The following SLC44A2 variants were observed in gnomAD, a reference collection of about 807,000 sequenced individuals.
The protein encoded by SLC44A2 is solute carrier family 44 member 2 (CTL2 blood group), also known as choline transporter-like protein 2.
A neutral mutation model predicts 90.8 loss-of-function variants in SLC44A2; 57 were observed. The observed-to-expected ratio is 0.63, with a 90% confidence interval of 0.51 to 0.78. The LOEUF is 0.78. Among genes scored for constraint, SLC44A2 ranks in the 30% least tolerant of loss-of-function variants. The pLI is 0.00. For missense variants in SLC44A2, 794 were observed against 919.7 expected, an observed-to-expected ratio of 0.86 and a Z score of 1.77; for synonymous variants, 355 against 360.7, an observed-to-expected ratio of 0.98 and a Z score of 0.18.
In SLC44A2 at chr19:10,637,723, C is replaced by G. The variant is rs1568454790; in HGVS notation, c.1671C>G (p.Phe557Leu). 3 of 1,614,022 alleles carry G rather than the reference C, an allele frequency of 1.9e-6. No individual in the cohort carries two copies. Among genetic ancestry groups the G allele is most frequent in the Non-Finnish European group, 1.7e-6 (2 of 1,180,040 alleles). ...CFWCLEKFIK[F>L]LNRNAYIMIA... Reference sequence around the variant, plus strand: ...GGTGCCTGGAGAAGTTCATCAAATTCCTTAATAGGAATGCCTACATCATGG... The same window carrying G: ...GGTGCCTGGAGAAGTTCATCAAATTGCTTAATAGGAATGCCTACATCATGG... Residue 557 changes from phenylalanine (F) to leucine (L), a missense_variant, in exon 17 of 22, where the codon TTC becomes TTG. By Grantham distance (22) the Phe-to-Leu change is conservative (BLOSUM62 0). Coordinates refer to ENST00000335757, the MANE Select transcript of SLC44A2 (RefSeq NM_020428.4).
chr19:10,635,794 T>G, intron 14 of SLC44A2: 1 of 318,958 alleles, frequency 3.1e-6, no homozygotes, highest in Non-Finnish European at 5.8e-6. Flanking sequence ...TTTTTTTTTT[T>G]AATAAGACAG....
At chr19:10,612,267 G>A (rs1028838119) in intron 1 of SLC44A2, among the ~76,000 whole-genome samples, 2 of 152,090 alleles carry the variant, frequency 1.3e-5, no homozygotes, top group African/African-American at 2.4e-5. Flanking sequence ...ATCCACTAGG[G>A]AGTCTGAGGC....
chr19:10,604,906 C>T (rs1022101404), intron 1 of SLC44A2, among the ~76,000 whole-genome samples: 4 of 152,082 alleles, frequency 2.6e-5, no homozygotes, highest in African/African-American at 9.7e-5. Flanking sequence ...GCAGCAGTTC[C>T]AAGGGAAATG....
intron 1 of SLC44A2, among the ~76,000 whole-genome samples, chr19:10,612,097 G>C (rs948537050): frequency 6.6e-6 from 1 of 152,106 alleles, no homozygotes; most frequent in Non-Finnish European, 1.5e-5. Flanking sequence ...GCCGGGTGTG[G>C]TGGCTCACTC....
At chr19:10,611,755 G>A (rs1918309474) in intron 1 of SLC44A2, among the ~76,000 whole-genome samples, 1 of 151,950 alleles carries the variant, frequency 6.6e-6, no homozygotes, top group African/African-American at 2.4e-5. Flanking sequence ...CTAGGAGGCA[G>A]AGGTTGCAGT....
Position 10,636,771 on chromosome 19 carries a change from C to G in SLC44A2, c.1591+15C>G. ...GCGGCTGAAAGGTACGTCCCACCCA[C>G]GGTTCGCATTAGCTCCTGTTGCGGG... On this transcript the variant is annotated intron_variant, in intron 16 of 21. Transcript: ENST00000335757. 6.2e-7 allele frequency: 1 copy of G among 1,610,218 alleles called. No homozygotes were observed. The highest frequency in any genetic ancestry group is 1.7e-4 in the Middle Eastern group (1 of 6,056).
At chr19:10,619,288 G>A (rs768404429) in intron 1 of SLC44A2, among the ~76,000 whole-genome samples, 8 of 151,534 alleles carry the variant, frequency 5.3e-5, no homozygotes, top group East Asian at 1.9e-4. Context: ...AAAATTAGCC[G>A]GGCGTGGTGT....
rs547483137 is a variant in SLC44A2 at position 10,631,370 on chromosome 19, C to T, written c.426C>T (p.Gly142=). The T allele has an allele frequency of 1.4e-4, 228 of 1,614,118 alleles. 6 individuals carry two copies. The South Asian group carries it at 2.4e-3, about 17-fold the overall frequency. The change falls in exon 6 of 22, where the codon GGC becomes GGT. Residue 142 remains glycine, a synonymous_variant. Transcript: ENST00000335757. ...ACTATAAGCAGTTCTGTGTTCCTGG[C>T]TTCAAGAACAATAAAGTGAGTTGTA... ...FEYYKQFCVP[G]FKNNKGVAEV...
intron 1 of SLC44A2, among the ~76,000 whole-genome samples, chr19:10,612,139 G>T (rs531800072): frequency 1.6e-4 from 25 of 152,212 alleles, no homozygotes; most frequent in Non-Finnish European, 2.9e-5. Flanking sequence ...ATGCCAGGGC[G>T]GAAGGATCAC....
chr19:10,617,079 G>A (rs1483633405), intron 1 of SLC44A2, among the ~76,000 whole-genome samples: 1 of 151,830 alleles, frequency 6.6e-6, no homozygotes, highest in East Asian at 1.9e-4. Flanking sequence ...TCGCCACCAC[G>A]CCCGGCTAAT....
chr19:10,617,120 T>C (rs1028319789), intron 1 of SLC44A2, among the ~76,000 whole-genome samples: 3 of 151,572 alleles, frequency 2.0e-5, no homozygotes, highest in African/African-American at 2.4e-5. Context: ...CGGGGTTTCA[T>C]CGTGTTAGCC....
intron 1 of SLC44A2, among the ~76,000 whole-genome samples, chr19:10,606,087 C>G (rs1359614396): frequency 6.6e-6 from 1 of 151,976 alleles, no homozygotes; most frequent in Non-Finnish European, 1.5e-5. Context: ...CGCTTGAGCC[C>G]ATGAGTTTGA....
intron 1 of SLC44A2, among the ~76,000 whole-genome samples, chr19:10,614,698 C>T (rs945716548): frequency 1.3e-5 from 2 of 152,006 alleles, no homozygotes; most frequent in Non-Finnish European, 2.9e-5. Flanking sequence ...TGGCTGGGCG[C>T]GGTGGCTCAC....
chr19:10,641,777 C>T (rs1441841772), intron 20 of SLC44A2, among the ~76,000 whole-genome samples: 1 of 150,590 alleles, frequency 6.6e-6, no homozygotes, highest in Non-Finnish European at 1.5e-5. Context: ...GCCCAGGAGG[C>T]AGAGGTTGCA....
At chr19:10,608,944 C>T (rs1599568079) in intron 1 of SLC44A2, among the ~76,000 whole-genome samples, 1 of 150,574 alleles carries the variant, frequency 6.6e-6, no homozygotes, top group East Asian at 1.9e-4. Context: ...AGCCACTGCA[C>T]CCAGCCTACC....
At chr19:10,627,173 T>G (rs2066942547) in intron 2 of SLC44A2, among the ~76,000 whole-genome samples, 1 of 151,296 alleles carries the variant, frequency 6.6e-6, no homozygotes, top group African/African-American at 2.4e-5. Flanking sequence ...ATACAAGAAT[T>G]AGCTGGGCAT....
intron 2 of SLC44A2, 130 bp from the exon 3 acceptor site, chr19:10,627,592 G>A (rs2066947223): frequency 1.2e-6 from 1 of 808,678 alleles, no homozygotes; most frequent in African/African-American, 1.7e-5. Flanking sequence ...GTGCCCTTTG[G>A]TACGGCATTC....
chr19:10,617,422 A>C (rs1356441635), intron 1 of SLC44A2, among the ~76,000 whole-genome samples: 1 of 152,140 alleles, frequency 6.6e-6, no homozygotes, highest in Non-Finnish European at 1.5e-5. Flanking sequence ...AGAGCCCACA[A>C]AGCCAGGCCT....
rs1314096757 is a variant in SLC44A2 at position 10,631,060 on chromosome 19, C to A, written c.249C>A (p.Asn83Lys). The change falls in exon 5 of 22, where the codon AAC becomes AAA. Residue 83 changes from asparagine (N) to lysine (K), a missense_variant. Around this residue, in one of 3 missense-constraint regions of SLC44A2, gnomAD observed 738 missense variants for 841.1 expected, o/e 0.88. Coordinates refer to ENST00000335757, the MANE Select transcript of SLC44A2 (RefSeq NM_020428.4). ...ATTCTCCCTTCTCTAACTCCAGGAA[C>A]AAACCCTATCTGTTTTATTTCAACA... ...FCGQKGTKNENKPYLFYFNIV... is the reference protein window; with the variant it reads ...FCGQKGTKNEKKPYLFYFNIV... 1.2e-6 allele frequency: 2 copies of A among 1,611,132 alleles called. No individual in the cohort carries two copies. Among genetic ancestry groups the A allele is most frequent in the South Asian group, 2.2e-5 (2 of 90,952 alleles).
Sources: allele counts gnomAD v4.1 joint callset (sites outside exome capture counted in the v4.1 genomes callset), GRCh38; gene constraint gnomAD v4.1.1; regional missense constraint gnomAD v4.1.1; transcripts MANE v1.5; gene names NCBI Gene and HGNC (gene_info 2026-07-23, HGNC 2026-07-21).